Variants in EMILIN2 observed in about 807,000 individuals in gnomAD.
The protein encoded by EMILIN2 is elastin microfibril interfacer 2.
A neutral mutation model predicts 87.1 loss-of-function variants in EMILIN2; 71 were observed. That is an observed-to-expected ratio of 0.82 (90% CI 0.67 to 0.99). The LOEUF is 0.99. Among genes scored for constraint, EMILIN2 ranks in the 50% least tolerant of loss-of-function variants. The probability of loss-of-function intolerance (pLI) is 0.00; values close to 1 mark genes in which losing one functional copy is unlikely to be tolerated. For synonymous variants in EMILIN2, 581 were observed against 563.4 expected, an observed-to-expected ratio of 1.03 and a Z score of -0.44; for missense variants, 1,407 against 1,371.8, an observed-to-expected ratio of 1.03 and a Z score of -0.40.
rs142787591 is a variant in EMILIN2, at chr18:2,887,562, G to A, written c.433+2423G>A. ...TCTCCCTTCCCTCTTGCTCCCTCTC[G>A]CTCCCTCTCTTACCATGTGACACAC... On this transcript the variant is annotated intron_variant, in intron 3 of 7. Transcript: ENST00000254528. Among the ~76,000 whole-genome samples the A allele has an allele frequency of 3.6e-3, 542 of 151,878 alleles. 1 individual carries two copies. The highest frequency in any genetic ancestry group is 0.014 in the Middle Eastern group (4 of 294).
intron 2 of EMILIN2, among the ~76,000 whole-genome samples, chr18:2,862,658 C>T (rs935155611): frequency 3.9e-5 from 6 of 152,142 alleles, no homozygotes; most frequent in Non-Finnish European, 8.8e-5. Context: ...CGATGTTCAT[C>T]AGGGATATTG....
chr18:2,912,941 G>A, intron 7 of EMILIN2, 126 bp from the exon 8 acceptor site: 1 of 998,638 alleles, frequency 1.0e-6, no homozygotes, highest in Non-Finnish European at 1.5e-6. Context: ...CAGGCAGCCA[G>A]CTACCATGGG....
chr18:2,905,442 G>A (rs1172511984), intron 4 of EMILIN2, among the ~76,000 whole-genome samples: 3 of 151,440 alleles, frequency 2.0e-5, no homozygotes, highest in Admixed American at 6.6e-5. Context: ...TATAATAATC[G>A]GGGTAATAGG....
At chr18:2,861,117 T>C (rs1246508753) in intron 2 of EMILIN2, among the ~76,000 whole-genome samples, 1 of 152,212 alleles carries the variant, frequency 6.6e-6, no homozygotes, top group East Asian at 1.9e-4. Flanking sequence ...GAGTTCATTG[T>C]AGATTCTGGA....
intron 2 of EMILIN2, among the ~76,000 whole-genome samples, chr18:2,858,931 C>T (rs1036129206): frequency 4.6e-5 from 7 of 152,214 alleles, no homozygotes; most frequent in African/African-American, 9.6e-5. Context: ...CCACCACACC[C>T]GGCCCTATAC....
intron 2 of EMILIN2, among the ~76,000 whole-genome samples, chr18:2,870,910 G>T (rs751666713): frequency 5.9e-5 from 9 of 152,122 alleles, no homozygotes; most frequent in Non-Finnish European, 1.2e-4. Flanking sequence ...CCTTCTGTGT[G>T]TGTCTGTCTC....
chr18:2,881,112 G>T (rs2076774975), intron 2 of EMILIN2, among the ~76,000 whole-genome samples: 2 of 152,092 alleles, frequency 1.3e-5, no homozygotes, highest in Non-Finnish European at 2.9e-5. Flanking sequence ...ATTTGGGATT[G>T]GACAACCCTT....
chr18:2,893,415 A>T (rs604050), intron 4 of EMILIN2, among the ~76,000 whole-genome samples: 75,023 of 152,092 alleles, frequency 0.49, 20,720 homozygotes, highest in Middle Eastern at 0.65. Flanking sequence ...TAGGGACAGG[A>T]AGTATCTAAA....
rs1242485881 is a variant in EMILIN2, at chr18:2,847,353, C to A, written c.134+31C>A. ...TGCGCGCCCCTTGGCTGGCCCCAAA[C>A]CGCCTACCCCTCCCCGGCCCCCAGT... is the stretch of plus-strand genomic sequence containing the variant. On this transcript the variant is annotated intron_variant, in intron 1 of 7. Coordinates refer to ENST00000254528, the MANE Select transcript of EMILIN2 (RefSeq NM_032048.3). The surrounding 1 kb of genome is among the most constrained non-coding windows in gnomAD (Gnocchi z 4.5). 7.7e-7 allele frequency: 1 copy of A among 1,290,964 alleles called. No individual in the cohort carries two copies. The highest frequency in any genetic ancestry group is 9.8e-7 in the Non-Finnish European group (1 of 1,020,452). The allele number at this position is 1,290,964 out of a possible 1,614,324, so 80.0% of individuals were successfully genotyped here. A position where few individuals can be genotyped will look rare whatever the true frequency, so the allele number is the denominator to read the frequency against.
rs1018285769 is a variant in EMILIN2 at position 2,848,208 on chromosome 18, A to G, written c.257+277A>G. ...GAGGATGAACAAAGCTCCCACTCCCACTTCTGTTTTCTCCCTTTCAATGTT... is the reference window on the plus strand; with the variant it reads ...GAGGATGAACAAAGCTCCCACTCCCGCTTCTGTTTTCTCCCTTTCAATGTT... On this transcript the variant is annotated intron_variant, in intron 2 of 7. Transcript: ENST00000254528. This position sits in a 1 kb window ranked among gnomAD's most constrained non-coding sequence, Gnocchi z 4.1. Among the ~76,000 whole-genome samples the G allele has an allele frequency of 2.6e-5, 4 of 152,228 alleles. No individual in the cohort carries two copies. Among genetic ancestry groups the G allele is most frequent in the Non-Finnish European group, 5.9e-5 (4 of 68,034 alleles).
chr18:2,892,111 C>A lies in EMILIN2; in HGVS notation c.1984C>A (p.Pro662Thr), dbSNP rs752986188. Residue 662 changes from proline (P) to threonine (T), a missense_variant, in exon 4 of 8, where the codon CCC becomes ACC. Pro to Thr is a conservative substitution (Grantham distance 38). Transcript: ENST00000254528. ...TVDTLPSPQH[P>T]VAHCCSQLEE... The stretch of plus-strand genomic sequence containing the variant: ...GGACACCCTGCCGTCCCCCCAGCAC[C>A]CCGTGGCTCATTGCTGCAGTCAGCT... 3.1e-6 allele frequency: 5 copies of A among 1,612,666 alleles called. No individual in the cohort carries two copies. In the South Asian group the frequency reaches 5.5e-5, roughly 18 times the overall value.
At chr18:2,908,506 T>G (rs2076925595) in intron 5 of EMILIN2, among the ~76,000 whole-genome samples, 1 of 152,208 alleles carries the variant, frequency 6.6e-6, no homozygotes, top group South Asian at 2.1e-4. Context: ...CATCCATCTA[T>G]TTGTCCCTCC....
At chr18:2,872,360 G>T (rs2076723963) in intron 2 of EMILIN2, among the ~76,000 whole-genome samples, 2 of 152,266 alleles carry the variant, frequency 1.3e-5, no homozygotes, top group Non-Finnish European at 2.9e-5. Flanking sequence ...AAATGGAATT[G>T]TGAGAGATAT....
At chr18:2,905,924 C>T (rs1170950612) in intron 4 of EMILIN2, among the ~76,000 whole-genome samples, 2 of 152,076 alleles carry the variant, frequency 1.3e-5, no homozygotes, top group Non-Finnish European at 2.9e-5. Flanking sequence ...GCGCCCGGCC[C>T]GCTTAGGGAG....
At chr18:2,868,498 T>A (rs1432556467) in intron 2 of EMILIN2, among the ~76,000 whole-genome samples, 2 of 152,256 alleles carry the variant, frequency 1.3e-5, no homozygotes, top group Non-Finnish European at 2.9e-5. Flanking sequence ...CACTCCAGCC[T>A]GGGCACCATT....
At chr18:2,904,643 G>A (rs1355161810) in intron 4 of EMILIN2, among the ~76,000 whole-genome samples, 1 of 152,192 alleles carries the variant, frequency 6.6e-6, no homozygotes, top group Non-Finnish European at 1.5e-5. Flanking sequence ...CATCTTGGAT[G>A]CAGTATCTTC....
chr18:2,909,908 G>C, intron 7 of EMILIN2, 89 bp downstream of exon 7: 1 of 1,560,462 alleles, frequency 6.4e-7, no homozygotes, highest in Non-Finnish European at 8.6e-7. Context: ...GGTTCCCAGC[G>C]TCCCGTGGGC....
At chr18:2,881,076 T>C (rs909627161) in intron 2 of EMILIN2, among the ~76,000 whole-genome samples, 7 of 152,154 alleles carry the variant, frequency 4.6e-5, no homozygotes, top group African/African-American at 1.7e-4. Flanking sequence ...TGGGAACCCC[T>C]TTCTGCTGGG....
At position 2,907,019 on chromosome 18, in the gene EMILIN2, C is replaced by T; in HGVS notation, c.2596C>T (p.Arg866Trp). The change falls in exon 5 of 8, where the codon CGG becomes TGG. Residue 866 changes from arginine to tryptophan, a missense_variant. Transcript: ENST00000254528. ...GAGVSGRGLPRGVDGQTGSGT... is the reference protein window; with the variant it reads ...GAGVSGRGLPWGVDGQTGSGT... The stretch of plus-strand genomic sequence containing the variant: ...AGGCGTGTCTGGGCGGGGTCTGCCG[C>T]GGGGCGTGGACGGCCAGACCGGGAG... 5.3e-6 allele frequency: 7 copies of T among 1,319,738 alleles called. No individual in the cohort carries two copies. Among genetic ancestry groups the T allele is most frequent in the Non-Finnish European group, 3.9e-6 (4 of 1,038,436 alleles). The allele number at this position is 1,319,738 out of a possible 1,614,324, so 81.8% of individuals were successfully genotyped here.
Sources: gnomAD v4.1 joint callset for allele counts (sites outside exome capture counted in the v4.1 genomes callset) on GRCh38, gnomAD v4.1.1 for gene constraint, Gnocchi (gnomAD v3.1) non-coding constraint, MANE v1.5 for transcripts, NCBI Gene and HGNC (gene_info 2026-07-23, HGNC 2026-07-21) for gene names.